ZC3H11A: variants seen among roughly 807,000 people sequenced by gnomAD.
ZC3H11A encodes the protein zinc finger CCCH domain-containing protein 11A.
A neutral mutation model predicts 90.8 loss-of-function variants in ZC3H11A; 22 were observed. That is an observed-to-expected ratio of 0.24 (90% CI 0.17 to 0.35). The LOEUF (loss-of-function observed/expected upper bound fraction) is 0.35. Ranked by LOEUF, ZC3H11A falls within the 10% of genes least tolerant of loss-of-function variation. The probability of loss-of-function intolerance (pLI) is 1.00; values close to 1 mark genes in which losing one functional copy is unlikely to be tolerated. For synonymous variants in ZC3H11A, 294 were observed against 339.8 expected, an observed-to-expected ratio of 0.87 and a Z score of 1.48; for missense variants, 701 against 964.9, an observed-to-expected ratio of 0.73 and a Z score of 3.62.
intron 10 of ZC3H11A, 163 bp downstream of exon 10, chr1:203,834,016 A>T: frequency 7.7e-7 from 1 of 1,290,730 alleles, no homozygotes; most frequent in Non-Finnish European, 9.8e-7. Context: ...TATACCTTTT[A>T]TTGAAGATAC....
chr1:203,808,760 A>G (rs1007515261), intron 2 of ZC3H11A, among the ~76,000 whole-genome samples: 14 of 152,090 alleles, frequency 9.2e-5, no homozygotes, highest in Non-Finnish European at 1.8e-4. Flanking sequence ...AGGGGCTGGA[A>G]ATTAGAGTCT....
intron 3 of ZC3H11A, 31 bp from the exon 4 acceptor site, chr1:203,818,539 T>G: frequency 6.2e-7 from 1 of 1,613,392 alleles, no homozygotes; most frequent in Non-Finnish European, 8.5e-7. Context: ...ATTTCAATGC[T>G]ACAAATAGAG....
intron 4 of ZC3H11A, among the ~76,000 whole-genome samples, chr1:203,823,618 C>T (rs1679498097): frequency 6.6e-6 from 1 of 152,210 alleles, no homozygotes; most frequent in Non-Finnish European, 1.5e-5. Context: ...GCAAGCCTTG[C>T]AAGCAGGCAT....
intron 11 of ZC3H11A, among the ~76,000 whole-genome samples, chr1:203,840,065 A>G (rs1464293748): frequency 1.3e-5 from 2 of 151,978 alleles, no homozygotes; most frequent in African/African-American, 2.4e-5. Flanking sequence ...CAGCCTCCCA[A>G]AGTGCTGGGA....
Position 203,802,138 on chromosome 1 carries a change from CTG to C in ZC3H11A, c.-1022_-1021del, listed in dbSNP as rs1363808057. 1 of 152,582 alleles carries C rather than the reference CTG, an allele frequency of 6.6e-6. No homozygotes were observed. The highest frequency in any genetic ancestry group is 2.4e-5 in the African/African-American group (1 of 41,434). The allele number at this position is 152,582 out of a possible 1,614,324, so 9.5% of individuals were successfully genotyped here. A position where few individuals can be genotyped will look rare whatever the true frequency, so the allele number is the denominator to read the frequency against. Reference sequence around the variant, plus strand: ...GCCTTCTACAGCTTGCTGCACCACTCTGTAGTTACTCTATTACCATACGTTTC... The same window carrying C: ...GCCTTCTACAGCTTGCTGCACCACTCTAGTTACTCTATTACCATACGTTTC... On this transcript the variant is annotated 5_prime_UTR_variant, in exon 2 of 18. The change creates a premature stop within an existing upstream ORF in the 5' untranslated region. Transcript: ENST00000367210.
At chr1:203,797,911 C>G (rs1281062492) in intron 1 of ZC3H11A, 3 of 1,535,994 alleles carry the variant, frequency 2.0e-6, no homozygotes, top group Admixed American at 2.0e-5. Context: ...AGTACTAGAG[C>G]CAAGACCTCC....
At chr1:203,799,467 A>G (rs898759084) in intron 1 of ZC3H11A, 4 of 702,966 alleles carry the variant, frequency 5.7e-6, no homozygotes, top group South Asian at 1.5e-5. Context: ...TGGCCATTGG[A>G]TTTCTACTTT....
chr1:203,804,155 T>G (rs1272249883), intron 2 of ZC3H11A, among the ~76,000 whole-genome samples: 2 of 114,918 alleles, frequency 1.7e-5, no homozygotes, highest in Non-Finnish European at 2.0e-5. Flanking sequence ...TATATGTGTT[T>G]TTTTTTTTTT....
chr1:203,818,165 G>A (rs370990300), intron 3 of ZC3H11A, among the ~76,000 whole-genome samples: 4 of 152,052 alleles, frequency 2.6e-5, no homozygotes, highest in African/African-American at 7.2e-5. Flanking sequence ...AGTATGCAGT[G>A]GAGCACAGTT....
intron 10 of ZC3H11A, among the ~76,000 whole-genome samples, chr1:203,836,649 G>A (rs928016513): frequency 6.6e-5 from 10 of 152,278 alleles, no homozygotes; most frequent in East Asian, 3.9e-4. Context: ...GGTGGCATGC[G>A]CCTGTAATTC....
intron 12 of ZC3H11A, among the ~76,000 whole-genome samples, chr1:203,843,511 A>G (rs1284187284): frequency 6.6e-6 from 1 of 152,172 alleles, no homozygotes; most frequent in East Asian, 1.9e-4. Context: ...TAGACAAGGA[A>G]TTGACAATTT....
At chr1:203,798,826 G>T (rs1336405333) in intron 1 of ZC3H11A, 2 of 1,536,000 alleles carry the variant, frequency 1.3e-6, no homozygotes, top group Non-Finnish European at 1.7e-6. Flanking sequence ...GCCTTTCAGA[G>T]GTTCATGCAG....
chr1:203,799,336 T>C (rs1372848050), intron 1 of ZC3H11A: 1 of 705,954 alleles, frequency 1.4e-6, no homozygotes, highest in Admixed American at 2.0e-5. Flanking sequence ...ATTGAGAATA[T>C]GTTAGTGGCT....
chr1:203,804,478 T>C (rs901824099), intron 2 of ZC3H11A, among the ~76,000 whole-genome samples: 11 of 152,036 alleles, frequency 7.2e-5, no homozygotes, highest in Non-Finnish European at 1.5e-4. Flanking sequence ...TTATTGTGAA[T>C]GGTCTCTTCC....
intron 10 of ZC3H11A, chr1:203,835,930 CT>C: frequency 5.0e-6 from 1 of 198,144 alleles, no homozygotes; most frequent in Non-Finnish European, 1.1e-5. Context: ...TTAAGAAGTC[CT>C]GTTCCCAGGA....
rs769636674 is a variant in ZC3H11A, at chr1:203,850,024, A to G, written c.1937A>G (p.Lys646Arg). 2.5e-6 allele frequency: 4 copies of G among 1,613,728 alleles called. No homozygotes were observed. The highest frequency in any genetic ancestry group is 2.5e-6 in the Non-Finnish European group (3 of 1,179,980). ...GCACAGACCTTGGAAAAAAGGGGTA[A>G]AGGCAAGTATTTCTATACTGTGTAT... Reference protein sequence around the residue: ...CAAQTLEKRGKAKPKVNVKPS... With the variant: ...CAAQTLEKRGRAKPKVNVKPS... The change falls in exon 15 of 18, where the codon AAA becomes AGA. Residue 646 changes from lysine to arginine, a missense_variant and splice_region_variant. Around this residue, in one of 4 missense-constraint regions of ZC3H11A, gnomAD observed 530 missense variants for 696.2 expected, o/e 0.76. Coordinates refer to ENST00000367210, the MANE Select transcript of ZC3H11A (RefSeq NM_001376342.1).
At chr1:203,827,342 C>G (rs896082464) in intron 4 of ZC3H11A, among the ~76,000 whole-genome samples, 1 of 150,706 alleles carries the variant, frequency 6.6e-6, no homozygotes, top group Non-Finnish European at 1.5e-5. Context: ...TCTAGATGCA[C>G]AGGTATTCTT....
At chr1:203,835,914 C>T (rs1684182930) in intron 10 of ZC3H11A, 1 of 216,178 alleles carries the variant, frequency 4.6e-6, no homozygotes, top group East Asian at 1.1e-4. Context: ...TCCAGACATA[C>T]TTCCTTTAAG....
At chr1:203,800,367 A>G (rs2102406620) in intron 1 of ZC3H11A, 1 of 971,466 alleles carries the variant, frequency 1.0e-6, no homozygotes, top group South Asian at 1.4e-5. Context: ...AATGAACTTG[A>G]AAAATGTTAA....
Sources: allele counts gnomAD v4.1 joint callset (sites outside exome capture counted in the v4.1 genomes callset), GRCh38; gene constraint gnomAD v4.1.1; regional missense constraint gnomAD v4.1.1; transcripts MANE v1.5; gene names NCBI Gene and HGNC (gene_info 2026-07-23, HGNC 2026-07-21).